Variants in PLCB1 observed in about 807,000 individuals in gnomAD.
The protein encoded by PLCB1 is 1-phosphatidylinositol 4,5-bisphosphate phosphodiesterase beta-1.
In PLCB1, 46 loss-of-function variants were observed where a neutral mutation model predicts 161.8. The observed-to-expected ratio is 0.28, with a 90% confidence interval of 0.22 to 0.36. The LOEUF (loss-of-function observed/expected upper bound fraction) is 0.36, where lower values mean the gene tolerates loss of function less well. PLCB1 is among the 10% of genes least tolerant of loss of function. PLCB1 has a pLI of 1.00. For missense variants in PLCB1, 1,016 were observed against 1,472.5 expected (o/e 0.69, Z 5.07); for synonymous variants, 517 against 503.7 (o/e 1.03, Z -0.35).
rs1984613043 is a variant in PLCB1 at position 8,527,065 on chromosome 20, C to CCGGG, written c.247-101229_247-101228insCGGG. ...TTATGGGCAGTGGTGTCAGACACAT[C>CCGGG]TGGGTGATGCCAGACACACTTGAGT... On this transcript the variant is annotated intron_variant, in intron 3 of 31. Transcript: ENST00000338037. Among the ~76,000 whole-genome samples the CCGGG allele has an allele frequency of 6.6e-5, 10 of 152,188 alleles. 1 individual carries two copies. Among genetic ancestry groups the CCGGG allele is most frequent in the Admixed American group, 2.6e-4 (4 of 15,262 alleles).
At chr20:8,657,388 A>G (rs1233251025) in intron 8 of PLCB1, 104 bp downstream of exon 8, 2 of 742,722 alleles carry the variant, frequency 2.7e-6, no homozygotes, top group Non-Finnish European at 4.9e-6. Context: ...AACATCATAC[A>G]CTGTGTCTAA....
At chr20:8,141,953 G>A (rs2051408661) in intron 1 of PLCB1, 1 of 152,242 alleles carries the variant, frequency 6.6e-6, no homozygotes, top group South Asian at 2.1e-4. Flanking sequence ...TAGAGGGTGA[G>A]TTGCCTGCTC....
intron 2 of PLCB1, among the ~76,000 whole-genome samples, chr20:8,151,912 A>G (rs960381367): frequency 2.0e-5 from 3 of 152,130 alleles, no homozygotes; most frequent in Non-Finnish European, 2.9e-5. Context: ...CCAATCATCA[A>G]TATTTATTTC....
intron 4 of PLCB1, among the ~76,000 whole-genome samples, chr20:8,644,965 T>C (rs1358949059): frequency 3.9e-5 from 6 of 152,140 alleles, no homozygotes; most frequent in African/African-American, 2.4e-5. Context: ...GGGAGACTTT[T>C]CATTTTGTTC....
chr20:8,480,013 T>C (rs1982433656), intron 3 of PLCB1, among the ~76,000 whole-genome samples: 1 of 152,210 alleles, frequency 6.6e-6, no homozygotes, highest in Admixed American at 6.5e-5. Flanking sequence ...TCTAAAGGTT[T>C]TCTCAGTAGT....
In PLCB1 at chr20:8,526,622, GTCTTGGC is replaced by G. The variant is rs1984594962; in HGVS notation, c.247-101669_247-101663del. ...TGGTAAAATATTTAGCGTAAGAGTA[GTCTTGGC>G]TCACAGTATAGTTGTTGAATCCATG... On this transcript the variant is annotated intron_variant, in intron 3 of 31. Coordinates refer to ENST00000338037, the MANE Select transcript of PLCB1 (RefSeq NM_015192.4). 3.9e-5 allele frequency among the ~76,000 whole-genome samples: 6 copies of G among 152,204 alleles called. No individual in the cohort carries two copies. In the South Asian group the frequency reaches 1.2e-3, roughly 32 times the overall value.
intron 3 of PLCB1, among the ~76,000 whole-genome samples, chr20:8,601,024 C>T (rs1437048061): frequency 6.6e-6 from 1 of 152,020 alleles, no homozygotes; most frequent in African/African-American, 2.4e-5. Context: ...GAGATGAACC[C>T]GGTACCTCAG....
In PLCB1 at chr20:8,375,244, G is replaced by A. The variant is rs576051071; in HGVS notation, c.246+3794G>A. On this transcript the variant is annotated intron_variant, in intron 3 of 31. Coordinates refer to ENST00000338037, the MANE Select transcript of PLCB1 (RefSeq NM_015192.4). ...TCTCTCCCTCCTTCCGGCCCTCCCA[G>A]GTTTGTAGAGCACACGTAAGGGCAA... Among the ~76,000 whole-genome samples, 47 of 152,228 alleles carry A rather than the reference G, an allele frequency of 3.1e-4. 1 individual carries two copies. Among genetic ancestry groups the A allele is most frequent in the African/African-American group, 1.1e-3 (47 of 41,528 alleles).
intron 31 of PLCB1, among the ~76,000 whole-genome samples, chr20:8,857,106 G>A (rs1464002507): frequency 6.6e-6 from 1 of 152,146 alleles, no homozygotes; most frequent in Non-Finnish European, 1.5e-5. Flanking sequence ...TCTCCACTTA[G>A]TCTCTAATCT....
chr20:8,704,525 C>T (rs1220065837), intron 11 of PLCB1, among the ~76,000 whole-genome samples: 6 of 152,174 alleles, frequency 3.9e-5, no homozygotes, highest in Admixed American at 3.9e-4. Flanking sequence ...TACAAAATTA[C>T]ATTTATCTTT....
At chr20:8,342,006 C>A (rs1364624936) in intron 2 of PLCB1, among the ~76,000 whole-genome samples, 1 of 150,768 alleles carries the variant, frequency 6.6e-6, no homozygotes, top group African/African-American at 2.4e-5. Context: ...AAAAAAAAAA[C>A]AGTGAATTAA....
chr20:8,664,491 A>G (rs79159396), intron 9 of PLCB1, among the ~76,000 whole-genome samples: 2 of 152,282 alleles, frequency 1.3e-5, no homozygotes, highest in East Asian at 1.9e-4. Flanking sequence ...TATTTAAAGT[A>G]TTATACAATT....
intron 3 of PLCB1, among the ~76,000 whole-genome samples, chr20:8,428,186 A>G (rs1472697104): frequency 6.6e-6 from 1 of 151,924 alleles, no homozygotes; most frequent in Non-Finnish European, 1.5e-5. Flanking sequence ...AAGAAAAGAA[A>G]AAATCTGAGG....
intron 3 of PLCB1, among the ~76,000 whole-genome samples, chr20:8,474,789 C>G (rs1239681409): frequency 6.6e-6 from 1 of 152,090 alleles, no homozygotes; most frequent in African/African-American, 2.4e-5. Flanking sequence ...TGGGGAAGTA[C>G]ATTGCCCATT....
At chr20:8,411,797 G>A (rs1187208692) in intron 3 of PLCB1, among the ~76,000 whole-genome samples, 1 of 152,200 alleles carries the variant, frequency 6.6e-6, no homozygotes, top group Non-Finnish European at 1.5e-5. Context: ...GCCAAGGCCA[G>A]TGGATCACCT....
chr20:8,135,968 G>T (rs2122999708), intron 1 of PLCB1, among the ~76,000 whole-genome samples: 1 of 152,186 alleles, frequency 6.6e-6, no homozygotes, highest in African/African-American at 2.4e-5. Flanking sequence ...CTTGGCCTTG[G>T]TCTATATTGG....
At chr20:8,691,606 A>G (rs1990480887) in intron 10 of PLCB1, among the ~76,000 whole-genome samples, 1 of 152,182 alleles carries the variant, frequency 6.6e-6, no homozygotes. Flanking sequence ...AATGCTATCT[A>G]AATCCAAATA....
At chr20:8,495,215 A>T (rs781003615) in intron 3 of PLCB1, among the ~76,000 whole-genome samples, 1 of 152,060 alleles carries the variant, frequency 6.6e-6, no homozygotes, top group Non-Finnish European at 1.5e-5. Flanking sequence ...TTACAATTCT[A>T]TGAAAGTGCT....
intron 11 of PLCB1, among the ~76,000 whole-genome samples, chr20:8,699,736 A>G (rs1051950506): frequency 6.6e-6 from 1 of 152,238 alleles, no homozygotes; most frequent in Non-Finnish European, 1.5e-5. Flanking sequence ...TTCAGCAGTA[A>G]TATCATTCAC....
Sources: gnomAD v4.1 joint callset for allele counts (sites outside exome capture counted in the v4.1 genomes callset) on GRCh38, gnomAD v4.1.1 for gene constraint, MANE v1.5 for transcripts, NCBI Gene and HGNC (gene_info 2026-07-23, HGNC 2026-07-21) for gene names.